GAPVD1: variants seen among roughly 807,000 people sequenced by gnomAD.
GAPVD1 encodes the protein GTPase activating protein and VPS9 domains 1.
GAPVD1 carries 35 observed loss-of-function variants against 155.5 expected under a neutral mutation model. The ratio of observed to expected loss-of-function variants is 0.23; its 90% CI spans 0.17 to 0.30. The LOEUF (loss-of-function observed/expected upper bound fraction) is 0.30. Among genes scored for constraint, GAPVD1 ranks in the 10% least tolerant of loss-of-function variants. GAPVD1 has a pLI of 1.00. For missense variants in GAPVD1, 1,429 were observed against 1,775.7 expected (o/e 0.80, Z 3.51); for synonymous variants, 636 against 619.7 (o/e 1.03, Z -0.39).
intron 12 of GAPVD1, among the ~76,000 whole-genome samples, chr9:125,328,763 C>G (rs1845593737): frequency 6.6e-6 from 1 of 151,760 alleles, no homozygotes; most frequent in Non-Finnish European, 1.5e-5. Context: ...CTCCTCACTT[C>G]CCAGTAGGGG....
At chr9:125,348,603 C>G (rs1016263286) in intron 20 of GAPVD1, among the ~76,000 whole-genome samples, 1 of 152,114 alleles carries the variant, frequency 6.6e-6, no homozygotes, top group Non-Finnish European at 1.5e-5. Context: ...ACCTCCACCT[C>G]CCGAGTTTAA....
chr9:125,344,964 A>G (rs16928102), intron 19 of GAPVD1, among the ~76,000 whole-genome samples: 5,411 of 152,244 alleles, frequency 0.036, 353 homozygotes, highest in African/African-American at 0.13. Context: ...ATACTAAATT[A>G]CTTTGGGAAT....
chr9:125,345,258 G>A (rs1222450643), intron 19 of GAPVD1, among the ~76,000 whole-genome samples: 1 of 150,658 alleles, frequency 6.6e-6, no homozygotes, highest in Non-Finnish European at 1.5e-5. Flanking sequence ...TCAGCTCACT[G>A]CAATCTCTAT....
intron 12 of GAPVD1, 35 bp from the exon 13 acceptor site, chr9:125,330,043 C>T: frequency 6.5e-7 from 1 of 1,544,166 alleles, no homozygotes; most frequent in African/African-American, 1.4e-5. Flanking sequence ...CCTCCAGGAT[C>T]TTTGTTAACC....
At chr9:125,339,831 A>G (rs1847581199) in intron 17 of GAPVD1, among the ~76,000 whole-genome samples, 1 of 152,214 alleles carries the variant, frequency 6.6e-6, no homozygotes, top group African/African-American at 2.4e-5. Context: ...GTTCTCCTGT[A>G]TGTATTCAAT....
At chr9:125,284,560 C>T (rs566871862) in intron 2 of GAPVD1, among the ~76,000 whole-genome samples, 1 of 152,072 alleles carries the variant, frequency 6.6e-6, no homozygotes, top group Admixed American at 6.6e-5. Context: ...GATCCTCCCT[C>T]CTCAGCCTCC....
intron 9 of GAPVD1, among the ~76,000 whole-genome samples, chr9:125,317,216 G>C (rs927199830): frequency 2.0e-5 from 3 of 151,976 alleles, no homozygotes; most frequent in African/African-American, 7.3e-5. Context: ...TACTCAGGAG[G>C]CTGAGGCAGG....
intron 2 of GAPVD1, among the ~76,000 whole-genome samples, chr9:125,291,722 A>G (rs1396497593): frequency 6.6e-6 from 1 of 152,134 alleles, no homozygotes; most frequent in Non-Finnish European, 1.5e-5. Context: ...CCATAGTGTG[A>G]AGGATATGGG....
intron 15 of GAPVD1, among the ~76,000 whole-genome samples, chr9:125,334,467 A>C (rs539086153): frequency 2.0e-5 from 3 of 152,260 alleles, no homozygotes; most frequent in African/African-American, 4.8e-5. Context: ...GGATTATTTG[A>C]GTTGTTAGCT....
At chr9:125,283,892 A>C (rs536309365) in intron 2 of GAPVD1, among the ~76,000 whole-genome samples, 1 of 149,652 alleles carries the variant, frequency 6.7e-6, no homozygotes, top group South Asian at 2.1e-4. Flanking sequence ...TCTTTTTTTG[A>C]TATGGAGTCT....
At chr9:125,335,092 C>T in intron 15 of GAPVD1, 1 of 630,634 alleles carries the variant, frequency 1.6e-6, no homozygotes, top group Non-Finnish European at 2.9e-6. Flanking sequence ...GGTAGAGTAT[C>T]AAAGAATAAT....
rs1440704172 is a variant in GAPVD1, at chr9:125,359,620, A to C, written c.4044+128A>C. 4 of 610,570 alleles carry C rather than the reference A, an allele frequency of 6.6e-6. No homozygotes were observed. The Admixed American group carries it at 8.4e-5, about 13-fold the overall frequency. 37.8% of individuals were successfully genotyped at this position (610,570 alleles called of 1,614,324 possible). ...ATAAAACATCATTTTCACTCTATGT[A>C]ATTCAGTCTAACTGCGAAGTTCCTG... On this transcript the variant is annotated intron_variant, in intron 26 of 27. Transcript: ENST00000297933.
At chr9:125,349,107 T>TGA (rs1387603039) in intron 20 of GAPVD1, among the ~76,000 whole-genome samples, 1 of 152,254 alleles carries the variant, frequency 6.6e-6, no homozygotes, top group Non-Finnish European at 1.5e-5. Context: ...TTTATTAAGT[T>TGA]AATGTGAACT....
At position 125,340,787 on chromosome 9, in the gene GAPVD1, C is replaced by T. The variant is rs555790294; in HGVS notation, c.2878-390C>T. On this transcript the variant is annotated intron_variant, in intron 17 of 27. Transcript: ENST00000297933. ...ACAGTGGTGCTGAAAAGGTAAACTA[C>T]CGTGCTCCAAAAGTCACCTACGTGG... Among the ~76,000 whole-genome samples the T allele has an allele frequency of 1.4e-4, 21 of 152,276 alleles. 1 individual carries two copies. The highest frequency in any genetic ancestry group is 1.2e-3 in the Admixed American group (18 of 15,286).
Position 125,364,959 on chromosome 9 carries a change from A to G in GAPVD1, c.*2213A>G, listed in dbSNP as rs1418633544. ...TTTTTTTTCTCTGCAATGGTTGCTA[A>G]GTCTATTCCATGTTAACACTGTGGA... On this transcript the variant is annotated 3_prime_UTR_variant, in exon 28 of 28. Transcript: ENST00000297933. 1 of 152,580 alleles carries G rather than the reference A, an allele frequency of 6.6e-6. No individual in the cohort carries two copies. Among genetic ancestry groups the G allele is most frequent in the East Asian group, 1.9e-4 (1 of 5,202 alleles). The allele number at this position is 152,580 out of a possible 1,614,324, so 9.5% of individuals were successfully genotyped here. A position where few individuals can be genotyped will look rare whatever the true frequency, so the allele number is the denominator to read the frequency against.
chr9:125,307,578 C>T (rs1842049900), intron 7 of GAPVD1, 31 bp downstream of exon 7: 3 of 1,596,688 alleles, frequency 1.9e-6, no homozygotes, highest in Non-Finnish European at 2.6e-6. Flanking sequence ...GAGAATTTCT[C>T]GAAAGTCTTT....
At chr9:125,262,832 T>C (rs1004742750) in intron 1 of GAPVD1, among the ~76,000 whole-genome samples, 1 of 152,206 alleles carries the variant, frequency 6.6e-6, no homozygotes, top group Non-Finnish European at 1.5e-5. Context: ...TTCCTTCAGT[T>C]ACGAATGTGG....
intron 2 of GAPVD1, among the ~76,000 whole-genome samples, chr9:125,283,349 G>T (rs999481874): frequency 1.3e-5 from 2 of 151,608 alleles, no homozygotes; most frequent in African/African-American, 2.4e-5. Context: ...GTGAGCCACC[G>T]CACCCAGCTT....
intron 12 of GAPVD1, among the ~76,000 whole-genome samples, chr9:125,328,767 G>A (rs1447288207): frequency 6.6e-6 from 1 of 151,766 alleles, no homozygotes; most frequent in East Asian, 1.9e-4. Flanking sequence ...TCACTTCCCA[G>A]TAGGGGCGGC....
Sources: allele counts gnomAD v4.1 joint callset (sites outside exome capture counted in the v4.1 genomes callset), GRCh38; gene constraint gnomAD v4.1.1; transcripts MANE v1.5; gene names NCBI Gene and HGNC (gene_info 2026-07-23, HGNC 2026-07-21).